HAPLN1: variants seen among roughly 807,000 people sequenced by gnomAD.
HAPLN1 encodes hyaluronan and proteoglycan link protein 1.
Under a neutral mutation model 36.5 loss-of-function variants are expected in HAPLN1, and 13 were observed. The observed-to-expected ratio is 0.36, with a 90% CI of 0.23 to 0.57. The LOEUF is 0.57. HAPLN1 is among the 20% of genes least tolerant of loss of function. HAPLN1 has a pLI of 0.83. For synonymous variants in HAPLN1, 202 were observed against 169.8 expected (o/e 1.19, Z -1.48); for missense variants, 407 against 439.7 (o/e 0.93, Z 0.66).
At chr5:83,645,471 C>CTTTTTTTTT (rs1423821503) in intron 3 of HAPLN1, among the ~76,000 whole-genome samples, 92 of 20,292 alleles carry the variant, frequency 4.5e-3, no homozygotes, top group African/African-American at 0.021. Context: ...TTTTCTTTTT[C>CTTTTTTTTT]TTTCTTTTTT....
At chr5:83,691,130 G>A (rs1751259977) in intron 1 of HAPLN1, among the ~76,000 whole-genome samples, 1 of 152,010 alleles carries the variant, frequency 6.6e-6, no homozygotes, top group Non-Finnish European at 1.5e-5. Context: ...ATAATTTATT[G>A]CCGAAAGAAA....
chr5:83,718,232 T>A (rs1445520038), intron 1 of HAPLN1, among the ~76,000 whole-genome samples: 2 of 152,210 alleles, frequency 1.3e-5, no homozygotes, highest in Non-Finnish European at 2.9e-5. Flanking sequence ...AACTGTTTAG[T>A]TGTACCTTAA....
intron 3 of HAPLN1, among the ~76,000 whole-genome samples, chr5:83,648,351 T>C (rs1239390872): frequency 2.8e-5 from 4 of 141,704 alleles, no homozygotes; most frequent in African/African-American, 1.0e-4. Context: ...CTGTGCTTGG[T>C]ACTCTAGGAT....
intron 3 of HAPLN1, among the ~76,000 whole-genome samples, chr5:83,647,469 G>A (rs1002620674): frequency 6.6e-6 from 1 of 152,110 alleles, no homozygotes; most frequent in Non-Finnish European, 1.5e-5. Flanking sequence ...ACAGTAAGAT[G>A]TATCTTACAA....
At chr5:83,706,102 T>C (rs10066214) in intron 1 of HAPLN1, among the ~76,000 whole-genome samples, 52,820 of 130,976 alleles carry the variant, frequency 0.4, 10,401 homozygotes, top group African/African-American at 0.43. Context: ...AGCCTACCAA[T>C]CGAAAAAAAA....
intron 2 of HAPLN1, among the ~76,000 whole-genome samples, chr5:83,662,673 A>G (rs1465047334): frequency 6.6e-6 from 1 of 152,242 alleles, no homozygotes; most frequent in African/African-American, 2.4e-5. Flanking sequence ...AAACATTAGC[A>G]TGAGTCATTC....
In HAPLN1 at chr5:83,714,098, C is replaced by T. The variant is rs762986949; in HGVS notation, c.-27+6691G>A. 6.6e-5 allele frequency among the ~76,000 whole-genome samples: 10 copies of T among 152,064 alleles called. No individual in the cohort carries two copies. In the South Asian group the frequency reaches 1.0e-3, roughly 16 times the overall value. On this transcript the variant is annotated intron_variant, in intron 1 of 4. Coordinates refer to ENST00000274341, the MANE Select transcript of HAPLN1 (RefSeq NM_001884.4). ...TTGGGATAGAAAGTCAGGACACCCC[C>T]GAAGCCCCATGTTCTGCACTGTGCT...
intron 1 of HAPLN1, among the ~76,000 whole-genome samples, chr5:83,693,614 T>A (rs1454666139): frequency 6.6e-6 from 1 of 151,672 alleles, no homozygotes; most frequent in Non-Finnish European, 1.5e-5. Flanking sequence ...CAAGAATATA[T>A]GACAAGTAAA....
intron 4 of HAPLN1, among the ~76,000 whole-genome samples, chr5:83,643,223 C>T (rs1453369037): frequency 3.3e-5 from 5 of 151,862 alleles, no homozygotes; most frequent in Non-Finnish European, 7.4e-5. Context: ...GTGGCATGCA[C>T]CATGGTCCCA....
At chr5:83,693,129 T>C (rs2112621973) in intron 1 of HAPLN1, among the ~76,000 whole-genome samples, 1 of 152,050 alleles carries the variant, frequency 6.6e-6, no homozygotes, top group South Asian at 2.1e-4. Context: ...TATATGAGTA[T>C]GGCCTCTCTC....
chr5:83,685,499 C>G (rs1314719895), intron 1 of HAPLN1, among the ~76,000 whole-genome samples: 2 of 152,164 alleles, frequency 1.3e-5, no homozygotes, highest in African/African-American at 2.4e-5. Flanking sequence ...TAAATCATCA[C>G]ATTTCATACA....
At chr5:83,698,664 G>T (rs910645670) in intron 1 of HAPLN1, among the ~76,000 whole-genome samples, 1 of 152,034 alleles carries the variant, frequency 6.6e-6, no homozygotes, top group Non-Finnish European at 1.5e-5. Flanking sequence ...TATTATCTTG[G>T]CAGTATCTTG....
intron 3 of HAPLN1, among the ~76,000 whole-genome samples, chr5:83,650,157 T>C (rs2112563190): frequency 6.6e-6 from 1 of 152,280 alleles, no homozygotes; most frequent in Non-Finnish European, 1.5e-5. Context: ...AATTTCTCCT[T>C]CTTACAAACC....
chr5:83,698,260 A>T (rs958117732), intron 1 of HAPLN1, among the ~76,000 whole-genome samples: 1 of 151,980 alleles, frequency 6.6e-6, no homozygotes, highest in Non-Finnish European at 1.5e-5. Context: ...TCAGTTTTCC[A>T]CTGAGAAGTC....
At chr5:83,694,882 T>C (rs1259471269) in intron 1 of HAPLN1, among the ~76,000 whole-genome samples, 3 of 152,090 alleles carry the variant, frequency 2.0e-5, no homozygotes, top group Non-Finnish European at 4.4e-5. Context: ...TTAGATTAAA[T>C]TGAAGAGGAG....
Position 83,687,460 on chromosome 5 carries a change from A to C in HAPLN1, c.-26-13911T>G, listed in dbSNP as rs1467383490. Among the ~76,000 whole-genome samples the C allele has an allele frequency of 3.3e-5, 5 of 152,210 alleles. No homozygotes were observed. The East Asian group carries it at 9.6e-4, about 29-fold the overall frequency. On this transcript the variant is annotated intron_variant, in intron 1 of 4. Coordinates refer to ENST00000274341, the MANE Select transcript of HAPLN1 (RefSeq NM_001884.4). Reference sequence around the variant, plus strand: ...ATCATGTTCAAAACATTCATTCAACAATGTTTTAGGAGCAAGTACATAAAA... The same window carrying C: ...ATCATGTTCAAAACATTCATTCAACCATGTTTTAGGAGCAAGTACATAAAA...
chr5:83,648,810 G>A (rs765976162), intron 3 of HAPLN1, among the ~76,000 whole-genome samples: 18 of 152,054 alleles, frequency 1.2e-4, no homozygotes, highest in Non-Finnish European at 1.8e-4. Context: ...AAATGAGAAC[G>A]AGAGCTAATA....
At chr5:83,666,449 T>C (rs1307411520) in intron 2 of HAPLN1, among the ~76,000 whole-genome samples, 1 of 152,116 alleles carries the variant, frequency 6.6e-6, no homozygotes, top group Non-Finnish European at 1.5e-5. Flanking sequence ...GCACAAAGGA[T>C]AAAACAGAGA....
At chr5:83,645,471 C>CTTTTTTTTTTTTTTTTTTTTT (rs1423821503) in intron 3 of HAPLN1, among the ~76,000 whole-genome samples, 4 of 20,320 alleles carry the variant, frequency 2.0e-4, no homozygotes, top group African/African-American at 2.8e-4. Context: ...TTTTCTTTTT[C>CTTTTTTTTTTTTTTTTTTTTT]TTTCTTTTTT....
Sources: allele counts gnomAD v4.1 joint callset (sites outside exome capture counted in the v4.1 genomes callset), GRCh38; gene constraint gnomAD v4.1.1; transcripts MANE v1.5; gene names NCBI Gene and HGNC (gene_info 2026-07-23, HGNC 2026-07-21).